LRRC37A2: variants seen among roughly 807,000 people sequenced by gnomAD.
The protein encoded by LRRC37A2 is leucine-rich repeat-containing protein 37A2.
LRRC37A2 carries 9 observed loss-of-function variants against 68.8 expected under a neutral mutation model. The ratio of observed to expected loss-of-function variants is 0.13; its 90% CI spans 0.08 to 0.23. The LOEUF is 0.23. Among genes scored for constraint, LRRC37A2 ranks in the 10% least tolerant of loss-of-function variants. The pLI is 1.00. For missense variants in LRRC37A2, 168 were observed against 950.4 expected, an observed-to-expected ratio of 0.18 and a Z score of 10.82; for synonymous variants, 63 against 367.6, an observed-to-expected ratio of 0.17 and a Z score of 9.48.
the LRRC37A2 span, chr17:47,018,514 A>C: frequency 6.6e-7 from 1 of 1,521,290 alleles, no homozygotes; most frequent in South Asian, 1.1e-5. Flanking sequence ...GCTACAGCTC[A>C]GCTCTCAGGG....
chr17:46,889,343 C>T, the LRRC37A2 span, among the ~76,000 whole-genome samples: 2 of 152,058 alleles, frequency 1.3e-5, no homozygotes, highest in Non-Finnish European at 2.9e-5. Context: ...GCGGGGGTGG[C>T]TCAGCATGTC....
At chr17:46,708,823 T>TATATATA in the LRRC37A2 span, among the ~76,000 whole-genome samples, 9 of 59,592 alleles carry the variant, frequency 1.5e-4, no homozygotes, top group African/African-American at 4.1e-4. Flanking sequence ...TATATATATA[T>TATATATA]TTTTTTTTTT....
At chr17:46,918,137 C>T in the LRRC37A2 span, among the ~76,000 whole-genome samples, 495 of 152,248 alleles carry the variant, frequency 3.3e-3, 2 homozygotes, top group Middle Eastern at 0.024. Flanking sequence ...TAGAGTGCAG[C>T]GGCGCGATCT....
the LRRC37A2 span, chr17:46,940,457 C>T: frequency 1.2e-6 from 2 of 1,609,562 alleles, no homozygotes; most frequent in East Asian, 2.2e-5. Flanking sequence ...TTCCATTACA[C>T]ACAGCACTGC....
At chr17:46,661,399 ATTATT>A in the LRRC37A2 span, among the ~76,000 whole-genome samples, 3 of 116,036 alleles carry the variant, frequency 2.6e-5, no homozygotes, top group Admixed American at 9.4e-5. Context: ...TATTATTATT[ATTATT>A]ATTATTTTTG....
chr17:46,943,787 AAG>A, the LRRC37A2 span, among the ~76,000 whole-genome samples: 1 of 152,216 alleles, frequency 6.6e-6, no homozygotes, highest in African/African-American at 2.4e-5. Flanking sequence ...ACTGCAGTAA[AAG>A]AGGAGAGGCA....
chr17:46,606,092 T>C, the LRRC37A2 span, among the ~76,000 whole-genome samples: 3 of 87,962 alleles, frequency 3.4e-5, no homozygotes, highest in Non-Finnish European at 6.1e-5. Context: ...GGTAGGAGAA[T>C]TGCTTGAACC....
the LRRC37A2 span, among the ~76,000 whole-genome samples, chr17:46,750,444 A>AT: frequency 6.6e-6 from 1 of 152,180 alleles, no homozygotes. Flanking sequence ...AGCGTCTCTA[A>AT]TCTGGAAATC....
chr17:46,933,370 T>C, the LRRC37A2 span: 1 of 152,234 alleles, frequency 6.6e-6, no homozygotes, highest in Non-Finnish European at 1.5e-5. Flanking sequence ...GAAAGATTTG[T>C]ATGTGAATGG....
At chr17:46,949,725 C>G in the LRRC37A2 span, among the ~76,000 whole-genome samples, 1 of 152,200 alleles carries the variant, frequency 6.6e-6, no homozygotes, top group African/African-American at 2.4e-5. Flanking sequence ...CTGGAGGAGG[C>G]TTTTGAGCTG....
chr17:46,743,666 G>A, the LRRC37A2 span, among the ~76,000 whole-genome samples: 1 of 152,110 alleles, frequency 6.6e-6, no homozygotes, highest in Non-Finnish European at 1.5e-5. Context: ...TGGTTAAAAG[G>A]TGCAGCATGG....
chr17:46,846,621 G>C, the LRRC37A2 span, among the ~76,000 whole-genome samples: 15 of 152,240 alleles, frequency 9.9e-5, no homozygotes, highest in East Asian at 2.5e-3. Context: ...ATGGCTGGGT[G>C]GGGGGCCACC....
chr17:46,872,476 T>A, the LRRC37A2 span: 1 of 1,444,424 alleles, frequency 6.9e-7, no homozygotes, highest in Non-Finnish European at 9.1e-7. Flanking sequence ...CTCACCACCA[T>A]CCCCAAGGCT....
the LRRC37A2 span, among the ~76,000 whole-genome samples, chr17:46,994,408 G>A: frequency 6.6e-6 from 1 of 151,774 alleles, no homozygotes; most frequent in Non-Finnish European, 1.5e-5. Flanking sequence ...AAATGCTGGT[G>A]GGGGTTGGGA....
At chr17:46,968,410 C>T in the LRRC37A2 span, among the ~76,000 whole-genome samples, 9 of 152,256 alleles carry the variant, frequency 5.9e-5, no homozygotes, top group African/African-American at 2.2e-4. Flanking sequence ...CTCATTCCCA[C>T]GCTTACATCC....
the LRRC37A2 span, among the ~76,000 whole-genome samples, chr17:46,496,689 T>C: frequency 1.6e-4 from 21 of 132,306 alleles, no homozygotes; most frequent in East Asian, 1.5e-3. Context: ...CCGAGGCAGG[T>C]GAATCACCTG....
the LRRC37A2 span, chr17:46,711,106 C>A: frequency 6.6e-7 from 1 of 1,510,068 alleles, no homozygotes; most frequent in Non-Finnish European, 8.8e-7. Flanking sequence ...CATTGGTCAG[C>A]GTGCTTCTGG....
chr17:46,864,679 T>G, the LRRC37A2 span, among the ~76,000 whole-genome samples: 1 of 152,118 alleles, frequency 6.6e-6, no homozygotes, highest in East Asian at 1.9e-4. Flanking sequence ...GATGGCTGAT[T>G]TGGCTTCCCT....
At chr17:46,982,977 T>G in the LRRC37A2 span, among the ~76,000 whole-genome samples, 1 of 152,174 alleles carries the variant, frequency 6.6e-6, no homozygotes, top group Non-Finnish European at 1.5e-5. Flanking sequence ...AGGGGCATCC[T>G]AAGTAATTGG....
Sources: allele counts gnomAD v4.1 joint callset (sites outside exome capture counted in the v4.1 genomes callset), GRCh38; gene constraint gnomAD v4.1.1; transcripts MANE v1.5; gene names NCBI Gene and HGNC (gene_info 2026-07-23, HGNC 2026-07-21).